Variants in EVC2 observed in about 807,000 individuals in gnomAD.
The protein encoded by EVC2 is EvC ciliary complex subunit 2, also known as limbin.
In EVC2, 148 loss-of-function variants were observed where a neutral mutation model predicts 149.3. The ratio of observed to expected loss-of-function variants is 0.99; its 90% CI spans 0.87 to 1.14. EVC2 has a LOEUF of 1.14. EVC2 is among the 50% of genes most tolerant of loss of function. The probability of loss-of-function intolerance (pLI) is 0.00; values close to 1 mark genes in which losing one functional copy is unlikely to be tolerated. For synonymous variants in EVC2, 776 were observed against 649.9 expected, an observed-to-expected ratio of 1.19 and a Z score of -2.95; for missense variants, 1,854 against 1,627.3, an observed-to-expected ratio of 1.14 and a Z score of -2.40.
intron 1 of EVC2, among the ~76,000 whole-genome samples, chr4:5,699,892 G>A (rs941371750): frequency 1.3e-5 from 2 of 152,144 alleles, no homozygotes; most frequent in African/African-American, 4.8e-5. Context: ...TGTAATCCCA[G>A]CACTTTGGGA....
At chr4:5,532,636 G>A in the EVC2 span, among the ~76,000 whole-genome samples, 2 of 152,132 alleles carry the variant, frequency 1.3e-5, no homozygotes, top group African/African-American at 4.8e-5. Context: ...AAAGCTGACT[G>A]TCCTTGTCCT....
At chr4:5,623,780 G>T in intron 13 of EVC2, among the ~76,000 whole-genome samples, 1 of 152,190 alleles carries the variant, frequency 6.6e-6, no homozygotes. Flanking sequence ...CAAGCTGAGT[G>T]ACCCAAAGCA....
At chr4:5,708,880 GAC>G (rs1722394117), upstream of EVC2, 1 of 196,554 alleles carries the variant, frequency 5.1e-6, no homozygotes, top group South Asian at 1.9e-4. Context: ...ACGGTTTCCT[GAC>G]ACACGGATGT....
rs183334014 is a variant in EVC2 at position 5,626,581 on chromosome 4, G to A, written c.1887-673C>T. Among the ~76,000 whole-genome samples the A allele has an allele frequency of 4.9e-4, 75 of 152,076 alleles. 1 individual carries two copies. In the East Asian group the frequency reaches 0.011, roughly 23 times the overall value. On this transcript the variant is annotated intron_variant, in intron 12 of 21. Coordinates refer to ENST00000344408, the MANE Select transcript of EVC2 (RefSeq NM_147127.5). ...AAACTCCTGACCTCGTGATCCACCC[G>A]CCTCGGCCTTCCAAAGTGCTGGGAT...
At chr4:5,609,016 C>T (rs1006566710) in intron 16 of EVC2, among the ~76,000 whole-genome samples, 4 of 152,102 alleles carry the variant, frequency 2.6e-5, no homozygotes, top group African/African-American at 9.7e-5. Context: ...GCTCCTGGTT[C>T]TCTGGCCTTG....
intron 16 of EVC2, among the ~76,000 whole-genome samples, chr4:5,609,518 G>C (rs191666509): frequency 1.3e-5 from 2 of 152,322 alleles, no homozygotes; most frequent in African/African-American, 2.4e-5. Context: ...GATGACAAAT[G>C]CCTCGTGTCT....
intron 21 of EVC2, among the ~76,000 whole-genome samples, chr4:5,550,221 T>C (rs991989886): frequency 4.6e-5 from 7 of 152,216 alleles, no homozygotes; most frequent in Non-Finnish European, 1.0e-4. Flanking sequence ...TTGGAACAGT[T>C]TGGAGGGCTC....
At position 5,622,822 on chromosome 4, in the gene EVC2, AG is replaced by A; in HGVS notation, c.2215del (p.Leu739Ter). The A allele has an allele frequency of 6.2e-7, 1 of 1,614,066 alleles. No individual in the cohort carries two copies. Among genetic ancestry groups the A allele is most frequent in the Non-Finnish European group, 8.5e-7 (1 of 1,180,016 alleles). ...DQAALDDLRT[L>X]TLSLFEKATD... ...GGCCTTTTCAAACAGCGAAAGGGTC[AG>A]GGTCCTGAGATCGTCCAGGGCGGCC... On this transcript the variant is annotated frameshift_variant, in exon 14 of 22. Coordinates refer to ENST00000344408, the MANE Select transcript of EVC2 (RefSeq NM_147127.5). LOFTEE classifies it high-confidence loss of function. This position sits in a 1 kb window ranked among gnomAD's most constrained non-coding sequence, Gnocchi z 5.8.
In EVC2 at chr4:5,622,431, TG is replaced by T; in HGVS notation, c.2501+105del. 1.5e-6 allele frequency: 2 copies of T among 1,296,840 alleles called. No homozygotes were observed. Among genetic ancestry groups the T allele is most frequent in the Non-Finnish European group, 2.2e-6 (2 of 914,328 alleles). 80.3% of individuals were successfully genotyped at this position (1,296,840 alleles called of 1,614,324 possible). A position where few individuals can be genotyped will look rare whatever the true frequency, so the allele number is the denominator to read the frequency against. The stretch of plus-strand genomic sequence containing the variant: ...ATTAACGCTGGTAATCTCATCTGTC[TG>T]GGGCCAGGTGTCTCATGCTTGGCCA... On this transcript the variant is annotated intron_variant, in intron 14 of 21. Coordinates refer to ENST00000344408, the MANE Select transcript of EVC2 (RefSeq NM_147127.5). The surrounding 1 kb of genome is among the most constrained non-coding windows in gnomAD (Gnocchi z 5.8).
chr4:5,637,587 G>C lies in EVC2; in HGVS notation c.1470+2927C>G, dbSNP rs1716971632. 6.6e-6 allele frequency among the ~76,000 whole-genome samples: 1 copy of C among 152,200 alleles called. No individual in the cohort carries two copies. On this transcript the variant is annotated intron_variant, in intron 10 of 21. Coordinates refer to ENST00000344408, the MANE Select transcript of EVC2 (RefSeq NM_147127.5). The surrounding 1 kb of genome is among the most constrained non-coding windows in gnomAD (Gnocchi z 4.4). The stretch of plus-strand genomic sequence containing the variant: ...GCAAATGTGTATACTGTGATGTAAA[G>C]TGAAAATAAGACATATATACAACTA...
At chr4:5,682,927 T>C (rs1456611309) in intron 6 of EVC2, among the ~76,000 whole-genome samples, 1 of 151,352 alleles carries the variant, frequency 6.6e-6, no homozygotes, top group Non-Finnish European at 1.5e-5. Context: ...CAGCAACCCA[T>C]GTAATTCTCA....
Position 5,603,658 on chromosome 4 carries a change from C to T in EVC2, c.2829+11764G>A, listed in dbSNP as rs1714168179. Among the ~76,000 whole-genome samples, 2 of 152,168 alleles carry T rather than the reference C, an allele frequency of 1.3e-5. 1 individual carries two copies. Among genetic ancestry groups the T allele is most frequent in the South Asian group, 4.1e-4 (2 of 4,826 alleles). ...CAGGAGTTCCACTTCTGAATGAAGG[C>T]ATTTCTAGTGAATGGTGCATGCACG... On this transcript the variant is annotated intron_variant, in intron 16 of 21. Coordinates refer to ENST00000344408, the MANE Select transcript of EVC2 (RefSeq NM_147127.5).
Position 5,584,724 on chromosome 4 carries a change from T to A in EVC2, c.2956A>T (p.Thr986Ser), listed in dbSNP as rs766463527. ...SRVTETLSAY[T>S]ALLSIQDLLL... is the part of the protein sequence containing the mutation. Reference sequence around the variant, plus strand: ...AAGTCCTGGATGCTGAGGAGGGCGGTGTAGGCCGACAGAGTCTCGGTCACC... The same window carrying A: ...AAGTCCTGGATGCTGAGGAGGGCGGAGTAGGCCGACAGAGTCTCGGTCACC... The change falls in exon 17 of 22, where the codon ACC (threonine) becomes TCC (serine). Residue 986 changes from threonine to serine, a missense_variant. By Grantham distance (58) the Thr-to-Ser change is moderately conservative (BLOSUM62 1). Coordinates refer to ENST00000344408, the MANE Select transcript of EVC2 (RefSeq NM_147127.5). The A allele has an allele frequency of 6.2e-7, 1 of 1,614,076 alleles. No individual in the cohort carries two copies. Among genetic ancestry groups the A allele is most frequent in the Non-Finnish European group, 8.5e-7 (1 of 1,180,002 alleles).
intron 14 of EVC2, among the ~76,000 whole-genome samples, chr4:5,619,778 C>A (rs1293463989): frequency 6.6e-6 from 1 of 152,206 alleles, no homozygotes; most frequent in African/African-American, 2.4e-5. Flanking sequence ...GCTTTCTCAT[C>A]CTCAAGGGGG....
chr4:5,565,925 G>C (rs1309107710), intron 20 of EVC2, among the ~76,000 whole-genome samples: 1 of 152,156 alleles, frequency 6.6e-6, no homozygotes, highest in African/African-American at 2.4e-5. Flanking sequence ...TTGAGCAAAG[G>C]GAGCCCTTGG....
chr4:5,603,695 A>T (rs1714172747), intron 16 of EVC2, among the ~76,000 whole-genome samples: 5 of 152,234 alleles, frequency 3.3e-5, no homozygotes, highest in Admixed American at 3.3e-4. Context: ...CACATCATGA[A>T]ATCTGGAAAC....
chr4:5,615,430 C>G lies in EVC2; in HGVS notation c.2821G>C (p.Val941Leu), dbSNP rs758017642. The change falls in exon 16 of 22, where the codon GTG (valine) becomes CTG (leucine). Residue 941 changes from valine to leucine, a missense_variant. Physicochemically the swap from Val to Leu is conservative, Grantham distance 32. Transcript: ENST00000344408. ...GAAGCAGATGTACTGACCTTTTCCA[C>G]CAGGTCTTCAGAGGCCTGTTCCTCA... ...LCEEQASEDLVEKVRGELLRE... is the reference protein window; with the variant it reads ...LCEEQASEDLLEKVRGELLRE... The G allele has an allele frequency of 6.2e-7, 1 of 1,614,206 alleles. No individual in the cohort carries two copies. Among genetic ancestry groups the G allele is most frequent in the Non-Finnish European group, 8.5e-7 (1 of 1,180,036 alleles).
chr4:5,551,287 G>C lies in EVC2; in HGVS notation c.3420-8075C>G, dbSNP rs191917234. On this transcript the variant is annotated intron_variant and NMD_transcript_variant, in intron 21 of 22. Transcript: ENST00000475313. ...CAGGAGGGGGGCTGTGCCCTTCAAA[G>C]ACACAGGGGTAGAGTTGCCCAAGAC... Among the ~76,000 whole-genome samples the C allele has an allele frequency of 1.8e-4, 27 of 152,354 alleles. No homozygotes were observed. In the East Asian group the frequency reaches 3.9e-3, roughly 22 times the overall value.
At chr4:5,620,349 G>A (rs146896142) in intron 14 of EVC2, among the ~76,000 whole-genome samples, 41 of 152,260 alleles carry the variant, frequency 2.7e-4, no homozygotes, top group African/African-American at 9.1e-4. Flanking sequence ...CCTCTGTTAC[G>A]TAAGTGCCAA....
Sources: gnomAD v4.1 joint callset for allele counts (sites outside exome capture counted in the v4.1 genomes callset) on GRCh38, gnomAD v4.1.1 for gene constraint, Gnocchi (gnomAD v3.1) non-coding constraint, MANE v1.5 for transcripts, NCBI Gene and HGNC (gene_info 2026-07-23, HGNC 2026-07-21) for gene names.